Variants in UFSP2 observed in about 807,000 individuals in gnomAD.
The protein encoded by UFSP2 is UFM1 specific peptidase 2.
Under a neutral mutation model 60.2 loss-of-function variants are expected in UFSP2, and 43 were observed. That is an observed-to-expected ratio of 0.71 (90% CI 0.56 to 0.92). The LOEUF is 0.92. Ranked by LOEUF, UFSP2 falls within the 40% of genes least tolerant of loss-of-function variation. The pLI is 0.00. For missense variants in UFSP2, 520 were observed against 575.0 expected (o/e 0.90, Z 0.98); for synonymous variants, 183 against 195.1 (o/e 0.94, Z 0.52).
chr4:185,406,851 C>A (rs1455422575), intron 9 of UFSP2, among the ~76,000 whole-genome samples: 2 of 152,110 alleles, frequency 1.3e-5, no homozygotes, highest in Non-Finnish European at 2.9e-5. Context: ...GCTGGGATTA[C>A]AGGCGTGAGC....
chr4:185,408,245 A>G, intron 8 of UFSP2, 26 bp downstream of exon 8: 1 of 1,608,044 alleles, frequency 6.2e-7, no homozygotes, highest in Non-Finnish European at 8.5e-7. Context: ...ACAGTTGATT[A>G]TAATTTAAAA....
At chr4:185,425,416 G>A (rs1476704852) in intron 1 of UFSP2, among the ~76,000 whole-genome samples, 2 of 152,154 alleles carry the variant, frequency 1.3e-5, no homozygotes, top group Non-Finnish European at 2.9e-5. Flanking sequence ...AGAACGCATA[G>A]GGTGTAAAGC....
At position 185,425,926 on chromosome 4, in the gene UFSP2, G is replaced by A. The variant is rs1176121390; in HGVS notation, c.-58C>T. On this transcript the variant is annotated 5_prime_UTR_variant, in exon 1 of 12. Coordinates refer to ENST00000264689, the MANE Select transcript of UFSP2 (RefSeq NM_018359.5). The stretch of plus-strand genomic sequence containing the variant: ...GCCTGCCCAAAAGTTCCGGGGGCCG[G>A]CCCTGAAGTGGTGTCACCGCACGGC... 14 of 1,563,790 alleles carry A rather than the reference G, an allele frequency of 9.0e-6. No individual in the cohort carries two copies. Among genetic ancestry groups the A allele is most frequent in the Non-Finnish European group, 1.2e-5 (14 of 1,154,004 alleles).
chr4:185,399,578 A>G lies in UFSP2; in HGVS notation c.*814T>C, dbSNP rs1027249949. On this transcript the variant is annotated 3_prime_UTR_variant, in exon 12 of 12. Transcript: ENST00000264689. ...TTTTATCCTGTTTTCAGTTTATGTA[A>G]TAAGAACGGGCAAACAGCTGAAGAT... The G allele has an allele frequency of 1.9e-6, 3 of 1,614,050 alleles. No homozygotes were observed. The highest frequency in any genetic ancestry group is 2.7e-5 in the African/African-American group (2 of 74,926).
intron 9 of UFSP2, among the ~76,000 whole-genome samples, chr4:185,406,662 G>A (rs746134351): frequency 2.0e-5 from 3 of 152,012 alleles, no homozygotes; most frequent in Non-Finnish European, 4.4e-5. Context: ...TGCAACCTCC[G>A]CCTCTCAGGT....
At chr4:185,400,857 G>T (rs1312328927) in intron 11 of UFSP2, among the ~76,000 whole-genome samples, 2 of 152,214 alleles carry the variant, frequency 1.3e-5, no homozygotes, top group African/African-American at 4.8e-5. Flanking sequence ...AGACCATTCA[G>T]TGGCATCTTA....
chr4:185,414,007 C>T, intron 6 of UFSP2, 135 bp from the exon 7 acceptor site: 1 of 699,738 alleles, frequency 1.4e-6, no homozygotes, highest in Non-Finnish European at 2.1e-6. Flanking sequence ...TGGTTTAATT[C>T]ACTAACATCA....
In UFSP2 at chr4:185,399,784, C is replaced by T. The variant is rs1554022355; in HGVS notation, c.*608G>A. The T allele has an allele frequency of 1.9e-6, 3 of 1,613,668 alleles. No individual in the cohort carries two copies. The highest frequency in any genetic ancestry group is 3.3e-5 in the Admixed American group (2 of 60,012). On this transcript the variant is annotated 3_prime_UTR_variant, in exon 12 of 12. Coordinates refer to ENST00000264689, the MANE Select transcript of UFSP2 (RefSeq NM_018359.5). Reference sequence around the variant, plus strand: ...GAAAAGGAAGTGCTGGTAAGTAACTCAGAGCTGCTGCTTTTTTCCTCCCGC... The same window carrying T: ...GAAAAGGAAGTGCTGGTAAGTAACTTAGAGCTGCTGCTTTTTTCCTCCCGC...
At chr4:185,415,108 A>G (rs368874211) in intron 6 of UFSP2, 47 bp downstream of exon 6, 2 of 1,421,558 alleles carry the variant, frequency 1.4e-6, no homozygotes, top group Non-Finnish European at 9.5e-7. Context: ...TACAAAATGA[A>G]TGATAGTCAT....
chr4:185,402,156 C>G, intron 11 of UFSP2: 1 of 349,850 alleles, frequency 2.9e-6, no homozygotes, highest in South Asian at 2.3e-5. Context: ...CTGTCCTACC[C>G]TAAAGGTTTT....
Position 185,399,891 on chromosome 4 carries a change from T to G in UFSP2, c.*501A>C. 4 of 1,541,720 alleles carry G rather than the reference T, an allele frequency of 2.6e-6. No individual in the cohort carries two copies. In the South Asian group the frequency reaches 4.9e-5, roughly 19 times the overall value. On this transcript the variant is annotated 3_prime_UTR_variant, in exon 12 of 12. Transcript: ENST00000264689. ...TCTAGTAGTATTGTTTCATTCTCATTAACATTTTAGTACTGGTTATACTTA... is the reference window on the plus strand; with the variant it reads ...TCTAGTAGTATTGTTTCATTCTCATGAACATTTTAGTACTGGTTATACTTA...
rs2095517651 is a variant in UFSP2 at position 185,404,420 on chromosome 4, T to A, written c.1199-802A>T. Among the ~76,000 whole-genome samples, 3 of 148,702 alleles carry A rather than the reference T, an allele frequency of 2.0e-5. No homozygotes were observed. The South Asian group carries it at 6.5e-4, about 32-fold the overall frequency. On this transcript the variant is annotated intron_variant, in intron 10 of 11. Transcript: ENST00000264689. ...AAGCAATTCTCCTGCCTCAGCCTCC[T>A]GAGTAGCTGAGACTACAGGCGCACA...
In UFSP2 at chr4:185,418,498, T is replaced by C. The variant is rs1408412134; in HGVS notation, c.276A>G (p.Pro92=). 6 of 1,612,080 alleles carry C rather than the reference T, an allele frequency of 3.7e-6. No homozygotes were observed. The Admixed American group carries it at 5.0e-5, about 13-fold the overall frequency. ...TGAATTTTCTTTTTATATCTTCTTCTGGCTCAAATCTAAATTTTTAATACA... is the reference window on the plus strand; with the variant it reads ...TGAATTTTCTTTTTATATCTTCTTCCGGCTCAAATCTAAATTTTTAATACA... ...KNILRFIQFE[P]EEDIKRKFMR... is the part of the protein sequence containing the mutation. The change falls in exon 4 of 12, where the codon CCA becomes CCG. Residue 92 remains proline, a synonymous_variant. Coordinates refer to ENST00000264689, the MANE Select transcript of UFSP2 (RefSeq NM_018359.5).
intron 10 of UFSP2, 93 bp from the exon 11 acceptor site, chr4:185,403,711 T>G: frequency 1.3e-6 from 2 of 1,483,716 alleles, no homozygotes; most frequent in Non-Finnish European, 9.0e-7. Context: ...CCGGGCGTGG[T>G]GGCTCACACC....
chr4:185,403,433 G>A, intron 11 of UFSP2, 61 bp downstream of exon 11: 1 of 1,584,030 alleles, frequency 6.3e-7, no homozygotes, highest in Admixed American at 1.8e-5. Context: ...CAGCCAGTTT[G>A]TGATCCTTCA....
intron 2 of UFSP2, 136 bp from the exon 3 acceptor site, chr4:185,418,906 T>C: frequency 1.5e-6 from 1 of 669,196 alleles, no homozygotes; most frequent in South Asian, 3.2e-5. Context: ...TTCAAAATTT[T>C]TTGCCTATCT....
In UFSP2 at chr4:185,422,546, C is replaced by T; in HGVS notation, c.21G>A (p.Met7Ile). The change falls in exon 2 of 12, where the codon ATG (methionine) becomes ATA (isoleucine). Residue 7 changes from methionine to isoleucine, a missense_variant. Coordinates refer to ENST00000264689, the MANE Select transcript of UFSP2 (RefSeq NM_018359.5). MVISES[M>I]DILFRIRGGL... ...CTCCTCTTATTCTGAAGAGTATATC[C>T]ATACTTTCTGAAATCACCTAGAACA... The T allele has an allele frequency of 4.4e-6, 7 of 1,608,584 alleles. No individual in the cohort carries two copies. The highest frequency in any genetic ancestry group is 5.9e-6 in the Non-Finnish European group (7 of 1,178,278).
At chr4:185,412,718 C>A (rs943147756) in intron 7 of UFSP2, among the ~76,000 whole-genome samples, 1 of 152,148 alleles carries the variant, frequency 6.6e-6, no homozygotes, top group Non-Finnish European at 1.5e-5. Flanking sequence ...GTTAGGATCA[C>A]AAGCATACAC....
rs765178828 is a variant in UFSP2, at chr4:185,400,415, G to A, written c.1387C>T (p.Pro463Ser). 3.1e-6 allele frequency: 5 copies of A among 1,613,288 alleles called. No individual in the cohort carries two copies. Among genetic ancestry groups the A allele is most frequent in the Non-Finnish European group, 4.2e-6 (5 of 1,179,624 alleles). ...TTTTAAATCATATTTGGTCGCTGAG[G>A]AAGACATAAGTTATAGTATGCATCC... ...NKDAYYNLCLPQRPNMI is the reference protein window; with the variant it reads ...NKDAYYNLCLSQRPNMI Residue 463 changes from proline to serine, a missense_variant, in exon 12 of 12, where the codon CCT (proline) becomes TCT (serine). By Grantham distance (74) the Pro-to-Ser change is moderately conservative. Transcript: ENST00000264689.
Sources: gnomAD v4.1 joint callset for allele counts (sites outside exome capture counted in the v4.1 genomes callset) on GRCh38, gnomAD v4.1.1 for gene constraint, MANE v1.5 for transcripts, NCBI Gene and HGNC (gene_info 2026-07-23, HGNC 2026-07-21) for gene names.